CDYL2: variants seen among roughly 807,000 people sequenced by gnomAD.
CDYL2 encodes the protein chromodomain Y-like protein 2.
A neutral mutation model predicts 49.4 loss-of-function variants in CDYL2; 23 were observed. That is an observed-to-expected ratio of 0.47 (90% CI 0.34 to 0.66). CDYL2 has a LOEUF of 0.66. CDYL2 is among the 30% of genes least tolerant of loss of function. The pLI, the probability that CDYL2 is intolerant of heterozygous loss-of-function variation, is 0.01. For missense variants in CDYL2, 678 were observed against 656.4 expected (o/e 1.03, Z -0.36); for synonymous variants, 360 against 268.8 (o/e 1.34, Z -3.32).
At chr16:80,700,410 G>A (rs1372374363) in intron 1 of CDYL2, among the ~76,000 whole-genome samples, 1 of 152,126 alleles carries the variant, frequency 6.6e-6, no homozygotes, top group Non-Finnish European at 1.5e-5. Flanking sequence ...AATGGACTGA[G>A]AAAATATTCA....
chr16:80,731,234 C>G (rs1199380415), intron 1 of CDYL2, among the ~76,000 whole-genome samples: 3 of 130,722 alleles, frequency 2.3e-5, no homozygotes, highest in Non-Finnish European at 5.5e-5. Context: ...AAGTGAAGCT[C>G]TTGAAAACTA....
intron 2 of CDYL2, among the ~76,000 whole-genome samples, chr16:80,640,401 C>G (rs931797465): frequency 2.0e-5 from 3 of 152,128 alleles, no homozygotes; most frequent in Non-Finnish European, 2.9e-5. Flanking sequence ...AACTGAAGAG[C>G]CCTGAATAAC....
chr16:80,782,498 C>T (rs1466523019), intron 1 of CDYL2, among the ~76,000 whole-genome samples: 1 of 128,028 alleles, frequency 7.8e-6, no homozygotes, highest in Non-Finnish European at 1.6e-5. Context: ...CAGGCCAGCA[C>T]TAAACTGATC....
At chr16:80,684,400 G>C (rs1910091049) in intron 2 of CDYL2, 138 bp downstream of exon 2, 1 of 786,042 alleles carries the variant, frequency 1.3e-6, no homozygotes, top group African/African-American at 1.7e-5. Flanking sequence ...CTCTAGGTGA[G>C]AGAGATGAAG....
chr16:80,711,892 A>T (rs1904609051), intron 1 of CDYL2, among the ~76,000 whole-genome samples: 1 of 152,022 alleles, frequency 6.6e-6, no homozygotes, highest in East Asian at 1.9e-4. Context: ...TAGAGACGTC[A>T]ACGGGACCCT....
intron 2 of CDYL2, among the ~76,000 whole-genome samples, chr16:80,633,962 G>C (rs1007132766): frequency 2.0e-5 from 3 of 152,164 alleles, no homozygotes; most frequent in Admixed American, 2.0e-4. Flanking sequence ...TACATCAGGA[G>C]CTCTGGGATG....
chr16:80,607,113 A>G (rs1404685883), intron 6 of CDYL2, among the ~76,000 whole-genome samples: 1 of 152,146 alleles, frequency 6.6e-6, no homozygotes, highest in Non-Finnish European at 1.5e-5. Flanking sequence ...AAGAGAATCC[A>G]CGTGAAGAGA....
At chr16:80,662,662 T>A in intron 2 of CDYL2, 1 of 444,286 alleles carries the variant, frequency 2.3e-6, no homozygotes. Context: ...ATATCTGCAT[T>A]GTCTAATACA....
At chr16:80,697,073 A>G (rs540440289) in intron 1 of CDYL2, among the ~76,000 whole-genome samples, 2 of 152,340 alleles carry the variant, frequency 1.3e-5, no homozygotes, top group South Asian at 2.1e-4. Flanking sequence ...AACTCATTCT[A>G]TGAGGCCAGT....
chr16:80,684,508 C>A (rs202190020), intron 2 of CDYL2, 30 bp downstream of exon 2: 1 of 1,591,602 alleles, frequency 6.3e-7, no homozygotes, highest in South Asian at 1.2e-5. Flanking sequence ...ATGGCCAGAG[C>A]CAAACCCAAG....
At chr16:80,637,623 C>G in intron 2 of CDYL2, among the ~76,000 whole-genome samples, 1 of 152,142 alleles carries the variant, frequency 6.6e-6, no homozygotes, top group East Asian at 1.9e-4. Context: ...TACTTTTGCA[C>G]ATACCAGCAA....
At position 80,682,938 on chromosome 16, in the gene CDYL2, C is replaced by T. The variant is rs536203478; in HGVS notation, c.616+1600G>A. Among the ~76,000 whole-genome samples, 10 of 152,304 alleles carry T rather than the reference C, an allele frequency of 6.6e-5. 1 individual carries two copies. The highest frequency in any genetic ancestry group is 2.4e-4 in the African/African-American group (10 of 41,570). Reference sequence around the variant, plus strand: ...CGTGAGTCAGTCTGGGGCAAAGATGCTAAGTAAATCCTGTTTGGGTGAAAT... The same window carrying T: ...CGTGAGTCAGTCTGGGGCAAAGATGTTAAGTAAATCCTGTTTGGGTGAAAT... On this transcript the variant is annotated intron_variant, in intron 2 of 6. Transcript: ENST00000570137.
chr16:80,713,081 T>C (rs767979567), intron 1 of CDYL2, among the ~76,000 whole-genome samples: 7 of 152,178 alleles, frequency 4.6e-5, no homozygotes, highest in Non-Finnish European at 1.0e-4. Flanking sequence ...TGCTTACTTA[T>C]ACAAGAATAT....
In CDYL2 at chr16:80,598,384, G is replaced by C. The variant is rs150895179; in HGVS notation, c.*6004C>G. ...AGTTTGGTAATAAGCCTTACCAATA[G>C]AATACCACTTCTTCAGCATCAATCA... On this transcript the variant is annotated 3_prime_UTR_variant, in exon 7 of 7. Transcript: ENST00000570137. 3.2e-4 allele frequency: 49 copies of C among 152,160 alleles called. No homozygotes were observed. The highest frequency in any genetic ancestry group is 1.2e-3 in the African/African-American group (48 of 41,512). The allele number at this position is 152,160 out of a possible 1,614,324, so 9.4% of individuals were successfully genotyped here.
chr16:80,620,224 C>T (rs1297369369), intron 4 of CDYL2, among the ~76,000 whole-genome samples: 3 of 152,198 alleles, frequency 2.0e-5, no homozygotes, highest in South Asian at 2.1e-4. Flanking sequence ...TGGATGTCAC[C>T]GCCAGGATCC....
In CDYL2 at chr16:80,620,940, C is replaced by T. The variant is rs1256917223; in HGVS notation, c.835-5G>A. The T allele has an allele frequency of 3.8e-6, 6 of 1,587,406 alleles. No individual in the cohort carries two copies. The highest frequency in any genetic ancestry group is 2.3e-5 in the South Asian group (2 of 88,764). On this transcript the variant is annotated splice_polypyrimidine_tract_variant and splice_region_variant and intron_variant, in intron 3 of 6. Transcript: ENST00000570137. ...TCGCCGGACTTCTTTCATGATCTGCCGGCAGAGATGAATTTGCAGGGATGT... is the reference window on the plus strand; with the variant it reads ...TCGCCGGACTTCTTTCATGATCTGCTGGCAGAGATGAATTTGCAGGGATGT...
intron 1 of CDYL2, among the ~76,000 whole-genome samples, chr16:80,688,233 C>T (rs1369569372): frequency 1.3e-5 from 2 of 152,188 alleles, no homozygotes; most frequent in African/African-American, 2.4e-5. Context: ...CACAAAGCCA[C>T]TGGGTGGCTT....
chr16:80,683,267 G>A (rs1910041855), intron 2 of CDYL2, among the ~76,000 whole-genome samples: 1 of 152,226 alleles, frequency 6.6e-6, no homozygotes, highest in South Asian at 2.1e-4. Flanking sequence ...GACATTCCAA[G>A]GCTCGGGTCT....
At chr16:80,693,749 G>A (rs1234822886) in intron 1 of CDYL2, among the ~76,000 whole-genome samples, 1 of 152,040 alleles carries the variant, frequency 6.6e-6, no homozygotes, top group Non-Finnish European at 1.5e-5. Flanking sequence ...GTCCTATGGG[G>A]GTGGATTCAT....
Sources: gnomAD v4.1 joint callset for allele counts (sites outside exome capture counted in the v4.1 genomes callset) on GRCh38, gnomAD v4.1.1 for gene constraint, MANE v1.5 for transcripts, NCBI Gene and HGNC (gene_info 2026-07-23, HGNC 2026-07-21) for gene names.